Variants in ICA1L observed in about 807,000 individuals in gnomAD.
ICA1L encodes islet cell autoantigen 1-like protein.
In ICA1L, 50 loss-of-function variants were observed where a neutral mutation model predicts 61.3. The ratio of observed to expected loss-of-function variants is 0.82; its 90% CI spans 0.65 to 1.03. The LOEUF (loss-of-function observed/expected upper bound fraction) is 1.03, where lower values mean the gene tolerates loss of function less well. Among genes scored for constraint, ICA1L ranks in the 50% least tolerant of loss-of-function variants. ICA1L has a pLI of 0.00. For missense variants in ICA1L, 508 were observed against 556.7 expected, an observed-to-expected ratio of 0.91 and a Z score of 0.88; for synonymous variants, 161 against 191.3, an observed-to-expected ratio of 0.84 and a Z score of 1.31.
At chr2:202,792,842 T>C (rs1692798123) in intron 10 of ICA1L, among the ~76,000 whole-genome samples, 1 of 152,010 alleles carries the variant, frequency 6.6e-6, no homozygotes. Context: ...TACTGATATA[T>C]ACAACAACAT....
intron 1 of ICA1L, among the ~76,000 whole-genome samples, chr2:202,864,913 C>T (rs1276725973): frequency 3.9e-4 from 60 of 152,048 alleles, no homozygotes; most frequent in Admixed American, 3.9e-3. Flanking sequence ...CCTGTAATCC[C>T]AGCACTTCAG....
In ICA1L at chr2:202,840,634, G is replaced by A; in HGVS notation, c.-7-11618C>T. On this transcript the variant is annotated intron_variant, in intron 1 of 12. Transcript: ENST00000358299. ...TGTAGATGGTGATCTTGATGTCCAG[G>A]GCCAGCCTGATGTTCGTCAGTTCCT... The A allele has an allele frequency of 5.2e-6, 3 of 582,000 alleles. No individual in the cohort carries two copies. In the Admixed American group the frequency reaches 5.6e-5, roughly 11 times the overall value. 36.1% of individuals were successfully genotyped at this position (582,000 alleles called of 1,614,324 possible).
At chr2:202,862,272 C>CAAAAAAAAAAAAAAAA (rs778355110) in intron 1 of ICA1L, among the ~76,000 whole-genome samples, 1 of 62,978 alleles carries the variant, frequency 1.6e-5, no homozygotes, top group African/African-American at 8.3e-5. Flanking sequence ...CTCATTTCTA[C>CAAAAAAAAAAAAAAAA]AAAAAAAAAA....
At chr2:202,831,466 A>C (rs1694012728) in intron 1 of ICA1L, among the ~76,000 whole-genome samples, 1 of 152,186 alleles carries the variant, frequency 6.6e-6, no homozygotes, top group Non-Finnish European at 1.5e-5. Flanking sequence ...CAGCAGTCCA[A>C]CTATATGACA....
chr2:202,814,827 G>T, intron 7 of ICA1L, 43 bp from the exon 8 acceptor site: 1 of 1,276,940 alleles, frequency 7.8e-7, no homozygotes. Flanking sequence ...GAATGAATCT[G>T]TTTCTTCTTC....
At chr2:202,780,240 T>A (rs1218411539) in intron 12 of ICA1L, among the ~76,000 whole-genome samples, 2 of 152,214 alleles carry the variant, frequency 1.3e-5, no homozygotes, top group Non-Finnish European at 2.9e-5. Flanking sequence ...AAACTCCCCC[T>A]AATCCTACCA....
At chr2:202,865,359 C>T (rs1217665919) in intron 1 of ICA1L, among the ~76,000 whole-genome samples, 1 of 151,506 alleles carries the variant, frequency 6.6e-6, no homozygotes. Flanking sequence ...ATCCCAGCTA[C>T]TCAGGAGGCT....
intron 1 of ICA1L, among the ~76,000 whole-genome samples, chr2:202,843,007 A>G (rs1694372624): frequency 6.6e-6 from 1 of 152,128 alleles, no homozygotes; most frequent in Non-Finnish European, 1.5e-5. Flanking sequence ...TTAATCTGTT[A>G]CATTTCTTAT....
chr2:202,774,398 T>C lies in ICA1L; in HGVS notation c.*5135A>G. 1 of 1,094,026 alleles carries C rather than the reference T, an allele frequency of 9.1e-7. No homozygotes were observed. The highest frequency in any genetic ancestry group is 1.2e-6 in the Non-Finnish European group (1 of 832,120). The allele number at this position is 1,094,026 out of a possible 1,614,324, so 67.8% of individuals were successfully genotyped here. ...GCCGGAGACCAGGCCTCACTGCGCC[T>C]CCAACAGCCAGGGTCGAGCCCCTGG... is the stretch of plus-strand genomic sequence containing the variant. On this transcript the variant is annotated 3_prime_UTR_variant, in exon 13 of 13. Transcript: ENST00000358299.
At chr2:202,853,782 C>T (rs1694696649) in intron 1 of ICA1L, among the ~76,000 whole-genome samples, 1 of 152,076 alleles carries the variant, frequency 6.6e-6, no homozygotes, top group Non-Finnish European at 1.5e-5. Flanking sequence ...ATTTCATATC[C>T]AGCCAAACTA....
At position 202,774,241 on chromosome 2, in the gene ICA1L, C is replaced by A; in HGVS notation, c.*5292G>T. 5 of 1,547,670 alleles carry A rather than the reference C, an allele frequency of 3.2e-6. No individual in the cohort carries two copies. Among genetic ancestry groups the A allele is most frequent in the Non-Finnish European group, 4.4e-6 (5 of 1,145,980 alleles). ...AGGCGCGGGGCGGCTCCTGAGTCTT[C>A]TCGCTCCTGTCGGCCAAAGGCCGTG... On this transcript the variant is annotated 3_prime_UTR_variant, in exon 13 of 13. Transcript: ENST00000358299.
At chr2:202,862,661 A>T (rs1326739869) in intron 1 of ICA1L, among the ~76,000 whole-genome samples, 1 of 151,530 alleles carries the variant, frequency 6.6e-6, no homozygotes, top group Non-Finnish European at 1.5e-5. Flanking sequence ...ACATGGTGAA[A>T]CCCCGTCTCT....
chr2:202,814,313 T>G (rs971322878), intron 8 of ICA1L, among the ~76,000 whole-genome samples: 1 of 152,126 alleles, frequency 6.6e-6, no homozygotes, highest in Non-Finnish European at 1.5e-5. Flanking sequence ...TGAGATTGGA[T>G]TAGTTCTCTC....
chr2:202,854,633 T>C (rs879685557), intron 1 of ICA1L, among the ~76,000 whole-genome samples: 2 of 152,134 alleles, frequency 1.3e-5, no homozygotes, highest in African/African-American at 4.8e-5. Context: ...ATCAACCACA[T>C]AATTGGAAGT....
At chr2:202,822,925 G>A (rs1308876970) in intron 3 of ICA1L, among the ~76,000 whole-genome samples, 1 of 152,158 alleles carries the variant, frequency 6.6e-6, no homozygotes, top group Non-Finnish European at 1.5e-5. Context: ...CAGAGCAGAT[G>A]GGGTTTGGGG....
intron 1 of ICA1L, among the ~76,000 whole-genome samples, chr2:202,848,023 T>TA (rs1325392565): frequency 2.0e-5 from 3 of 152,132 alleles, no homozygotes; most frequent in Admixed American, 2.0e-4. Context: ...AAGTGGGAAC[T>TA]AAACATTGAG....
At chr2:202,853,154 C>T (rs1468589075) in intron 1 of ICA1L, among the ~76,000 whole-genome samples, 9 of 151,810 alleles carry the variant, frequency 5.9e-5, no homozygotes, top group African/African-American at 1.7e-4. Context: ...GTCAGGAGAT[C>T]GAGACCATCC....
At chr2:202,824,514 A>C (rs1693782038) in intron 3 of ICA1L, among the ~76,000 whole-genome samples, 1 of 152,150 alleles carries the variant, frequency 6.6e-6, no homozygotes, top group African/African-American at 2.4e-5. Context: ...TTTTGAGGGA[A>C]AGGGGTATTG....
chr2:202,799,878 CTT>C (rs768203103), intron 9 of ICA1L, among the ~76,000 whole-genome samples: 47 of 133,878 alleles, frequency 3.5e-4, no homozygotes, highest in Admixed American at 3.0e-4. Flanking sequence ...CTGCTTTATA[CTT>C]TTTTTTTTTT....
Sources: allele counts gnomAD v4.1 joint callset (sites outside exome capture counted in the v4.1 genomes callset), GRCh38; gene constraint gnomAD v4.1.1; transcripts MANE v1.5; gene names NCBI Gene and HGNC (gene_info 2026-07-23, HGNC 2026-07-21).